The following EYA3 variants were observed in gnomAD, a reference collection of about 807,000 sequenced individuals.
EYA3 encodes the protein EYA transcriptional coactivator and phosphatase 3, also known as protein phosphatase EYA3.
A neutral mutation model predicts 80.0 loss-of-function variants in EYA3; 39 were observed. The ratio of observed to expected loss-of-function variants is 0.49; its 90% CI spans 0.38 to 0.64. The LOEUF (loss-of-function observed/expected upper bound fraction) is 0.64. EYA3 is among the 30% of genes least tolerant of loss of function. The pLI is 0.00. For missense variants in EYA3, 523 were observed against 676.1 expected (o/e 0.77, Z 2.51); for synonymous variants, 206 against 232.8 (o/e 0.88, Z 1.05).
rs79712927 is a variant in EYA3, at chr1:28,036,328, T to G, written c.225-648A>C. 6.7e-3 allele frequency among the ~76,000 whole-genome samples: 1,016 copies of G among 152,298 alleles called. 14 individuals are homozygous for G. The highest frequency in any genetic ancestry group is 0.023 in the African/African-American group (941 of 41,558). On this transcript the variant is annotated intron_variant, in intron 5 of 17. Coordinates refer to ENST00000373871, the MANE Select transcript of EYA3 (RefSeq NM_001990.4). Reference sequence around the variant, plus strand: ...TTATTCATGCTCTTATGCCTACATCTAGAATAAAATCCTAATATAATAGAA... The same window carrying G: ...TTATTCATGCTCTTATGCCTACATCGAGAATAAAATCCTAATATAATAGAA...
intron 1 of EYA3, among the ~76,000 whole-genome samples, chr1:28,082,889 T>C (rs1271292367): frequency 3.3e-5 from 5 of 152,198 alleles, no homozygotes; most frequent in African/African-American, 9.7e-5. Context: ...GATCCCTTAT[T>C]GCTTTCTTAA....
intron 7 of EYA3, among the ~76,000 whole-genome samples, chr1:28,023,399 G>A (rs149841901): frequency 1.5e-4 from 23 of 152,304 alleles, no homozygotes; most frequent in Non-Finnish European, 2.9e-4. Flanking sequence ...ATACAGTACA[G>A]AAAGGGAGGA....
At chr1:28,066,826 G>A (rs1370614179) in intron 1 of EYA3, among the ~76,000 whole-genome samples, 1 of 151,920 alleles carries the variant, frequency 6.6e-6, no homozygotes, top group Admixed American at 6.6e-5. Flanking sequence ...AACATTTCCC[G>A]ATCATCTATT....
At chr1:28,028,494 A>C (rs756477940) in intron 6 of EYA3, among the ~76,000 whole-genome samples, 2 of 152,224 alleles carry the variant, frequency 1.3e-5, no homozygotes, top group Non-Finnish European at 2.9e-5. Context: ...AATTTAGAAA[A>C]AAAATACAGT....
At chr1:28,041,398 C>CA (rs1643769355) in intron 4 of EYA3, among the ~76,000 whole-genome samples, 1 of 151,020 alleles carries the variant, frequency 6.6e-6, no homozygotes, top group South Asian at 2.1e-4. Flanking sequence ...CAAAAAAATA[C>CA]AAAAAATAGC....
intron 6 of EYA3, among the ~76,000 whole-genome samples, chr1:28,034,509 G>A (rs1488157749): frequency 1.3e-5 from 2 of 151,940 alleles, no homozygotes; most frequent in Non-Finnish European, 2.9e-5. Context: ...TATACAAATG[G>A]GGAAACAAGA....
intron 11 of EYA3, among the ~76,000 whole-genome samples, chr1:28,003,022 C>T (rs1475033860): frequency 6.7e-6 from 1 of 149,118 alleles, no homozygotes; most frequent in Non-Finnish European, 1.5e-5. Context: ...TTTGGGAGGC[C>T]GAGGTGGGCG....
chr1:28,029,458 A>C (rs1642985713), intron 6 of EYA3, among the ~76,000 whole-genome samples: 1 of 152,224 alleles, frequency 6.6e-6, no homozygotes, highest in African/African-American at 2.4e-5. Flanking sequence ...AATTTGCAAT[A>C]AACTAGGCAA....
At chr1:28,028,173 A>C (rs752120300) in intron 6 of EYA3, among the ~76,000 whole-genome samples, 35 of 152,226 alleles carry the variant, frequency 2.3e-4, no homozygotes, top group Non-Finnish European at 4.3e-4. Flanking sequence ...ATATAAATTC[A>C]TTTCAATGAC....
intron 10 of EYA3, 51 bp downstream of exon 10, chr1:28,010,896 T>C (rs1190633154): frequency 3.2e-6 from 5 of 1,577,998 alleles, no homozygotes; most frequent in Admixed American, 1.8e-5. Flanking sequence ...TTGATAAACT[T>C]AAGAAGTGAG....
At chr1:28,077,062 T>A (rs566465256) in intron 1 of EYA3, among the ~76,000 whole-genome samples, 2 of 150,632 alleles carry the variant, frequency 1.3e-5, no homozygotes, top group Non-Finnish European at 3.0e-5. Context: ...TTTCTAATAT[T>A]ACTTAACAAA....
chr1:27,976,879 G>A (rs1460079467), intron 17 of EYA3: 1 of 288,834 alleles, frequency 3.5e-6, no homozygotes, highest in African/African-American at 2.3e-5. Flanking sequence ...CACCATGCCC[G>A]GCTAATTTTT....
chr1:28,069,886 A>G (rs1644963357), intron 1 of EYA3, among the ~76,000 whole-genome samples: 1 of 152,224 alleles, frequency 6.6e-6, no homozygotes, highest in Non-Finnish European at 1.5e-5. Flanking sequence ...CAGACATTTA[A>G]CACACATACA....
At chr1:28,051,269 G>C (rs1045670578) in intron 2 of EYA3, among the ~76,000 whole-genome samples, 2 of 151,844 alleles carry the variant, frequency 1.3e-5, no homozygotes, top group African/African-American at 4.8e-5. Context: ...TGATAAACAA[G>C]TTCAGCAAGG....
chr1:28,032,769 T>C (rs1643222998), intron 6 of EYA3, among the ~76,000 whole-genome samples: 3 of 152,228 alleles, frequency 2.0e-5, no homozygotes, highest in South Asian at 4.1e-4. Flanking sequence ...ATAGCCTTCT[T>C]AGATTTCTTC....
At position 27,988,590 on chromosome 1, in the gene EYA3, T is replaced by G; in HGVS notation, c.1485A>C (p.Leu495=). 1 of 1,614,098 alleles carries G rather than the reference T, an allele frequency of 6.2e-7. No homozygotes were observed. Among genetic ancestry groups the G allele is most frequent in the African/African-American group, 1.3e-5 (1 of 75,030 alleles). The part of the protein sequence containing the change: ...QLVPALAKVL[L]YGLGEIFPIE... ...TAGGAAATATTTCTCCTAGTCCATA[T>G]AGGAGAACCTTGGCCAGGGCTGGAA... The change falls in exon 16 of 18, where the codon CTA becomes CTC. Residue 495 remains leucine (L), a synonymous_variant. Transcript: ENST00000373871.
rs1641511194 is a variant in EYA3 at position 28,009,183 on chromosome 1, A to AT, written c.909+1763dup. Among the ~76,000 whole-genome samples the AT allele has an allele frequency of 6.6e-6, 1 of 152,226 alleles. No individual in the cohort carries two copies. Among genetic ancestry groups the AT allele is most frequent in the Non-Finnish European group, 1.5e-5 (1 of 68,028 alleles). On this transcript the variant is annotated intron_variant, in intron 10 of 17. Coordinates refer to ENST00000373871, the MANE Select transcript of EYA3 (RefSeq NM_001990.4). This position sits in a 1 kb window ranked among gnomAD's most constrained non-coding sequence, Gnocchi z 4.8. ...TTGATAAGATGAACTCAGATAGATA[A>AT]TTGTACACCAATGGTCAAAGCAGCA...
At chr1:28,065,579 A>G (rs1644806266) in intron 1 of EYA3, among the ~76,000 whole-genome samples, 1 of 151,772 alleles carries the variant, frequency 6.6e-6, no homozygotes, top group South Asian at 2.1e-4. Flanking sequence ...GATCTTAACA[A>G]TCTCAGCATA....
intron 2 of EYA3, among the ~76,000 whole-genome samples, chr1:28,056,424 C>A (rs1028552628): frequency 3.3e-5 from 5 of 152,316 alleles, no homozygotes; most frequent in African/African-American, 9.6e-5. Context: ...AGTGGTACTT[C>A]CCCCGTGTGG....
Sources: allele counts gnomAD v4.1 joint callset (sites outside exome capture counted in the v4.1 genomes callset), GRCh38; gene constraint gnomAD v4.1.1; non-coding constraint Gnocchi (gnomAD v3.1); transcripts MANE v1.5; gene names NCBI Gene and HGNC (gene_info 2026-07-23, HGNC 2026-07-21).